Variants in LDLRAD4 observed in about 807,000 individuals in gnomAD.
LDLRAD4 encodes the protein low density lipoprotein receptor class A domain containing 4, also known as low-density lipoprotein receptor class A domain-containing protein 4.
LDLRAD4 carries 5 observed loss-of-function variants against 17.0 expected under a neutral mutation model. The ratio of observed to expected loss-of-function variants is 0.29; its 90% CI spans 0.15 to 0.62. The LOEUF is 0.62. LDLRAD4 is among the 20% of genes least tolerant of loss of function. The pLI is 0.84. For synonymous variants in LDLRAD4, 168 were observed against 171.8 expected (o/e 0.98, Z 0.17); for missense variants, 340 against 424.7 (o/e 0.80, Z 1.75).
At chr18:13,607,298 G>T (rs899396944) in intron 3 of LDLRAD4, among the ~76,000 whole-genome samples, 1 of 152,192 alleles carries the variant, frequency 6.6e-6, no homozygotes, top group Non-Finnish European at 1.5e-5. Context: ...GCCTCACAGG[G>T]TTGGCATGAA....
At chr18:13,379,691 C>T (rs928405003) in intron 1 of LDLRAD4, among the ~76,000 whole-genome samples, 4 of 152,146 alleles carry the variant, frequency 2.6e-5, no homozygotes, top group African/African-American at 4.8e-5. Flanking sequence ...GACTGTGGGC[C>T]GGCACAGGTG....
chr18:13,407,886 C>G (rs1377035736), intron 2 of LDLRAD4, among the ~76,000 whole-genome samples: 1 of 152,188 alleles, frequency 6.6e-6, no homozygotes, highest in Non-Finnish European at 1.5e-5. Flanking sequence ...TCTAAGAACT[C>G]CATGTTTAAG....
At chr18:13,331,050 T>C (rs1382790353) in intron 1 of LDLRAD4, among the ~76,000 whole-genome samples, 2 of 152,204 alleles carry the variant, frequency 1.3e-5, no homozygotes, top group Middle Eastern at 3.2e-3. Context: ...TAATAAATGC[T>C]GTATAATAAA....
At chr18:13,339,645 T>A (rs1057195173) in intron 1 of LDLRAD4, among the ~76,000 whole-genome samples, 5 of 152,214 alleles carry the variant, frequency 3.3e-5, no homozygotes, top group African/African-American at 4.8e-5. Context: ...AACTTTTTTT[T>A]ATTATAGAAA....
At chr18:13,589,826 G>A (rs968997107) in intron 3 of LDLRAD4, among the ~76,000 whole-genome samples, 2 of 152,170 alleles carry the variant, frequency 1.3e-5, no homozygotes, top group Non-Finnish European at 2.9e-5. Flanking sequence ...CCCAGGAGAG[G>A]TGAATGCAGG....
At chr18:13,401,245 G>C (rs1169593165) in intron 2 of LDLRAD4, among the ~76,000 whole-genome samples, 2 of 152,102 alleles carry the variant, frequency 1.3e-5, no homozygotes, top group African/African-American at 4.8e-5. Flanking sequence ...AGGCAGGTGG[G>C]CAGTCACTGT....
rs150591154 is a variant in LDLRAD4 at position 13,398,215 on chromosome 18, A to C, written c.40+10453A>C. Among the ~76,000 whole-genome samples the C allele has an allele frequency of 1.2e-3, 177 of 152,274 alleles. No individual in the cohort carries two copies. Among genetic ancestry groups the C allele is most frequent in the African/African-American group, 4.0e-3 (167 of 41,552 alleles). On this transcript the variant is annotated intron_variant, in intron 2 of 5. Transcript: ENST00000359446. This position sits in a 1 kb window ranked among gnomAD's most constrained non-coding sequence, Gnocchi z 4.8. ...AAGCGCCGAACCCAACGCAAATACT[A>C]AGCATTTGATGGGGTTGTCTGTGTT...
At chr18:13,548,713 A>T (rs2094399063) in intron 3 of LDLRAD4, among the ~76,000 whole-genome samples, 1 of 152,290 alleles carries the variant, frequency 6.6e-6, no homozygotes, top group East Asian at 1.9e-4. Context: ...GGGGGGCTGC[A>T]GCTATGCCTG....
Position 13,418,251 on chromosome 18 carries a change from AG to A in LDLRAD4, c.41-19990del, listed in dbSNP as rs528917381. The stretch of plus-strand genomic sequence containing the variant: ...TCCTCTGTACCCCCTCCACCTGGGC[AG>A]GGCTCTACACTGCCACCCCTTCTGG... On this transcript the variant is annotated intron_variant, in intron 2 of 5. Coordinates refer to ENST00000359446, the Ensembl canonical transcript of LDLRAD4. 1.9e-3 allele frequency among the ~76,000 whole-genome samples: 290 copies of A among 152,262 alleles called. 1 individual carries two copies. The highest frequency in any genetic ancestry group is 6.6e-3 in the African/African-American group (276 of 41,548).
At chr18:13,490,240 C>T (rs370942289) in intron 3 of LDLRAD4, 2 of 152,134 alleles carry the variant, frequency 1.3e-5, no homozygotes, top group Non-Finnish European at 2.9e-5. Flanking sequence ...GTACCCCAAT[C>T]GGATAACAAT....
intron 1 of LDLRAD4, among the ~76,000 whole-genome samples, chr18:13,326,605 G>C (rs2081550306): frequency 6.6e-6 from 1 of 152,192 alleles, no homozygotes; most frequent in South Asian, 2.1e-4. Flanking sequence ...AATTTACTTA[G>C]GAATGATCTA....
chr18:13,231,634 T>A (rs2042082862), intron 1 of LDLRAD4, among the ~76,000 whole-genome samples: 1 of 152,230 alleles, frequency 6.6e-6, no homozygotes, highest in African/African-American at 2.4e-5. Context: ...ACGCTTACAT[T>A]TCATACTGCA....
intron 1 of LDLRAD4, among the ~76,000 whole-genome samples, chr18:13,368,860 C>T (rs1316795648): frequency 6.6e-6 from 1 of 152,192 alleles, no homozygotes. Flanking sequence ...CCTGGGGACA[C>T]TGGAGAGTGG....
At chr18:13,554,163 C>G (rs749702534) in intron 3 of LDLRAD4, among the ~76,000 whole-genome samples, 3 of 152,168 alleles carry the variant, frequency 2.0e-5, no homozygotes, top group Non-Finnish European at 4.4e-5. Flanking sequence ...GCCAACAGAT[C>G]AAGGAATACT....
intron 1 of LDLRAD4, among the ~76,000 whole-genome samples, chr18:13,308,546 G>C (rs1297148363): frequency 6.6e-6 from 1 of 152,212 alleles, no homozygotes; most frequent in Non-Finnish European, 1.5e-5. Context: ...TGAAAGGTGG[G>C]CGAAGGTGCC....
At chr18:13,297,031 G>A (rs900314294) in intron 1 of LDLRAD4, among the ~76,000 whole-genome samples, 14 of 151,264 alleles carry the variant, frequency 9.3e-5, no homozygotes, top group South Asian at 2.1e-4. Flanking sequence ...GCGGGTTCTC[G>A]TGGGTTTGCG....
chr18:13,312,763 A>C (rs1211939790), intron 1 of LDLRAD4, among the ~76,000 whole-genome samples: 1 of 152,152 alleles, frequency 6.6e-6, no homozygotes, highest in African/African-American at 2.4e-5. Flanking sequence ...AAAGAAACAA[A>C]AATACACACA....
chr18:13,298,378 A>G (rs1222316311), intron 1 of LDLRAD4, among the ~76,000 whole-genome samples: 19 of 129,564 alleles, frequency 1.5e-4, no homozygotes, highest in East Asian at 4.6e-4. Context: ...CTCTGGGCAC[A>G]GTGATGGAGC....
At position 13,621,012 on chromosome 18, in the gene LDLRAD4, T is replaced by G; in HGVS notation, c.182-105T>G. The stretch of plus-strand genomic sequence containing the variant: ...TGCTGGCCTCTGAGGAACAGACGTG[T>G]GTGAGAGGCCTTCAGGGCCTGATGG... On this transcript the variant is annotated intron_variant, in intron 3 of 5. Coordinates refer to ENST00000359446, the Ensembl canonical transcript of LDLRAD4. This position sits in a 1 kb window ranked among gnomAD's most constrained non-coding sequence, Gnocchi z 5.5. The G allele has an allele frequency of 3.4e-6, 5 of 1,477,822 alleles. No individual in the cohort carries two copies. The highest frequency in any genetic ancestry group is 4.7e-6 in the Non-Finnish European group (5 of 1,067,354). The allele number at this position is 1,477,822 out of a possible 1,614,324, so 91.5% of individuals were successfully genotyped here.
Sources: gnomAD v4.1 joint callset for allele counts (sites outside exome capture counted in the v4.1 genomes callset) on GRCh38, gnomAD v4.1.1 for gene constraint, Gnocchi (gnomAD v3.1) non-coding constraint, MANE v1.5 for transcripts, NCBI Gene and HGNC (gene_info 2026-07-23, HGNC 2026-07-21) for gene names.